RNF128: variants seen among roughly 807,000 people sequenced by gnomAD.
RNF128 encodes the protein E3 ubiquitin-protein ligase RNF128.
Under a neutral mutation model 26.2 loss-of-function variants are expected in RNF128, and 13 were observed. That is an observed-to-expected ratio of 0.50 (90% CI 0.32 to 0.79). RNF128 has a LOEUF of 0.79. Ranked by LOEUF, RNF128 falls within the 30% of genes least tolerant of loss-of-function variation. The pLI is 0.03. For missense variants in RNF128, 315 were observed against 349.7 expected (o/e 0.90, Z 0.79); for synonymous variants, 149 against 142.5 (o/e 1.05, Z -0.32).
intron 4 of RNF128, among the ~76,000 whole-genome samples, chrX:106,789,480 A>G: frequency 9.9e-6 from 1 of 101,294 alleles, no homozygotes; most frequent in Non-Finnish European, 2.0e-5. Flanking sequence ...TATATTATAT[A>G]CATTATACAC....
intron 1 of RNF128, among the ~76,000 whole-genome samples, chrX:106,753,137 G>A (rs1027956803): frequency 9.0e-6 from 1 of 111,471 alleles, no homozygotes; most frequent in Admixed American, 9.6e-5. Context: ...GAGATAGAAA[G>A]CATATTCAAA....
chrX:106,719,860 C>T (rs1437662911), intron 1 of RNF128, among the ~76,000 whole-genome samples: 2 of 107,610 alleles, frequency 1.9e-5, no homozygotes, highest in Non-Finnish European at 3.8e-5. Context: ...ATCTAGTATA[C>T]TGAGTGTCAT....
chrX:106,768,444 G>T (rs376290873), intron 1 of RNF128, among the ~76,000 whole-genome samples: 20 of 111,606 alleles, frequency 1.8e-4, no homozygotes, highest in Non-Finnish European at 3.2e-4. Context: ...TTAGTCTTGG[G>T]AGGGTGTATG....
chrX:106,776,468 AG>A (rs1478509015), intron 2 of RNF128, among the ~76,000 whole-genome samples: 1 of 112,353 alleles, frequency 8.9e-6, no homozygotes, highest in Non-Finnish European at 1.9e-5. Flanking sequence ...AGGAGGGAAA[AG>A]AATGGGAATC....
At chrX:106,735,173 T>C (rs1371058525) in intron 1 of RNF128, among the ~76,000 whole-genome samples, 1 of 111,729 alleles carries the variant, frequency 9.0e-6, no homozygotes, top group African/African-American at 3.2e-5. Context: ...AGTTTGGTGA[T>C]TCATGCTGAC....
intron 1 of RNF128, among the ~76,000 whole-genome samples, chrX:106,747,741 A>T (rs1438073754): frequency 8.9e-6 from 1 of 112,149 alleles, no homozygotes; most frequent in Non-Finnish European, 1.9e-5. Context: ...AGGAAAATAA[A>T]TTTTCCTTTT....
chrX:106,695,196 G>T (rs1928856539), intron 1 of RNF128, among the ~76,000 whole-genome samples: 1 of 109,812 alleles, frequency 9.1e-6, no homozygotes, highest in Admixed American at 9.8e-5. Flanking sequence ...TGTTCACTGT[G>T]GATAGGTATG....
chrX:106,757,136 G>C (rs1233645883), intron 1 of RNF128, among the ~76,000 whole-genome samples: 1 of 60,075 alleles, frequency 1.7e-5, no homozygotes, highest in Non-Finnish European at 2.9e-5. Context: ...ACTGTTGGTG[G>C]GACTGTAAAC....
intron 5 of RNF128, among the ~76,000 whole-genome samples, chrX:106,790,654 G>A (rs893732540): frequency 9.1e-6 from 1 of 110,449 alleles, no homozygotes; most frequent in Non-Finnish European, 1.9e-5. Context: ...TTTTATATTT[G>A]GTAAATGAAA....
chrX:106,739,568 T>G (rs1929661917), intron 1 of RNF128, among the ~76,000 whole-genome samples: 1 of 112,168 alleles, frequency 8.9e-6, no homozygotes, highest in Non-Finnish European at 1.9e-5. Context: ...AATATTCTTT[T>G]TTTGTACTAA....
Position 106,737,852 on chromosome X carries a change from G to T in RNF128, c.484+10455G>T, listed in dbSNP as rs763831784. On this transcript the variant is annotated intron_variant, in intron 1 of 6. Transcript: ENST00000255499. Reference sequence around the variant, plus strand: ...ATCACCAGTTCATTTTGGCAAAAGGGCAGGATATGTAAGAAAGACTGAAAC... The same window carrying T: ...ATCACCAGTTCATTTTGGCAAAAGGTCAGGATATGTAAGAAAGACTGAAAC... Among the ~76,000 whole-genome samples the T allele has an allele frequency of 7.2e-5, 8 of 111,868 alleles. No homozygotes were observed. The East Asian group carries it at 2.0e-3, about 27-fold the overall frequency.
intron 1 of RNF128, among the ~76,000 whole-genome samples, chrX:106,769,283 C>G (rs1930318767): frequency 9.0e-6 from 1 of 110,953 alleles, no homozygotes; most frequent in Non-Finnish European, 1.9e-5. Flanking sequence ...AACTTACTGT[C>G]TCGTTGATCT....
At chrX:106,715,480 A>G (rs1230984802) in intron 1 of RNF128, among the ~76,000 whole-genome samples, 2 of 112,126 alleles carry the variant, frequency 1.8e-5, no homozygotes, top group African/African-American at 6.5e-5. Context: ...ATGCTGTTCA[A>G]TGGGGATTTT....
chrX:106,744,118 G>C (rs191051200), intron 1 of RNF128, among the ~76,000 whole-genome samples: 1 of 109,595 alleles, frequency 9.1e-6, no homozygotes, highest in South Asian at 4.0e-4. Context: ...GGGAAGGGGG[G>C]AGGGATAGCA....
At chrX:106,733,985 G>T (rs753115544) in intron 1 of RNF128, among the ~76,000 whole-genome samples, 1 of 112,337 alleles carries the variant, frequency 8.9e-6, no homozygotes, top group South Asian at 3.7e-4. Flanking sequence ...ACAGGCGTGA[G>T]CCACAGTGCC....
chrX:106,788,341 TA>T (rs1930698314), intron 4 of RNF128, among the ~76,000 whole-genome samples: 1 of 54,017 alleles, frequency 1.9e-5, no homozygotes, highest in Non-Finnish European at 3.0e-5. Context: ...ATACTATATA[TA>T]ATATATATTA....
Position 106,726,891 on chromosome X carries a change from G to T in RNF128, c.-23G>T. 8.7e-7 allele frequency: 1 copy of T among 1,154,393 alleles called. No homozygotes were observed. Among genetic ancestry groups the T allele is most frequent in the South Asian group, 2.0e-5 (1 of 49,814 alleles). ...AGGAGGGCGCGTGCCAGGGGCGCTA[G>T]GGAACTGCGGAGCGCGCGCGCCATG... On this transcript the variant is annotated 5_prime_UTR_variant, in exon 1 of 7. It adds an upstream start codon to the 5' untranslated region. Coordinates refer to ENST00000255499, the MANE Select transcript of RNF128 (RefSeq NM_194463.2).
chrX:106,706,638 A>C (rs1262749892), intron 1 of RNF128, among the ~76,000 whole-genome samples: 2 of 111,699 alleles, frequency 1.8e-5, no homozygotes, highest in African/African-American at 6.5e-5. Flanking sequence ...TAGTTACTTA[A>C]ACACTCTGAA....
intron 4 of RNF128, among the ~76,000 whole-genome samples, chrX:106,789,055 A>G (rs1452075106): frequency 1.2e-5 from 1 of 85,022 alleles, no homozygotes; most frequent in African/African-American, 4.4e-5. Context: ...TATCTATTAT[A>G]TAGTATACAA....
Sources: gnomAD v4.1 joint callset for allele counts (sites outside exome capture counted in the v4.1 genomes callset) on GRCh38, gnomAD v4.1.1 for gene constraint, MANE v1.5 for transcripts, NCBI Gene and HGNC (gene_info 2026-07-23, HGNC 2026-07-21) for gene names.